Variants in NAV2 observed in about 807,000 individuals in gnomAD.
NAV2 encodes neuron navigator 2.
A neutral mutation model predicts 223.2 loss-of-function variants in NAV2; 54 were observed. That is an observed-to-expected ratio of 0.24 (90% CI 0.19 to 0.30). The LOEUF (loss-of-function observed/expected upper bound fraction) is 0.30. Among genes scored for constraint, NAV2 ranks in the 10% least tolerant of loss-of-function variants. The probability of loss-of-function intolerance (pLI) is 1.00; values close to 1 mark genes in which losing one functional copy is unlikely to be tolerated. For missense variants in NAV2, 2,806 were observed against 3,147.5 expected (o/e 0.89, Z 2.60); for synonymous variants, 1,279 against 1,239.3 (o/e 1.03, Z -0.67).
chr11:19,907,653 C>T (rs867758867), intron 6 of NAV2, among the ~76,000 whole-genome samples: 5 of 152,078 alleles, frequency 3.3e-5, no homozygotes, highest in South Asian at 4.2e-4. Context: ...CATCTTTTGG[C>T]GGAGTTTTAA....
intron 1 of NAV2, among the ~76,000 whole-genome samples, chr11:19,461,192 A>ACCCGGATT (rs1852144592): frequency 6.6e-6 from 1 of 152,168 alleles, no homozygotes. Context: ...AAATTTACTC[A>ACCCGGATT]CCAGAGCTCA....
intron 1 of NAV2, among the ~76,000 whole-genome samples, chr11:19,685,866 A>G (rs2049008410): frequency 6.6e-6 from 1 of 152,160 alleles, no homozygotes; most frequent in Non-Finnish European, 1.5e-5. Context: ...CTCTGCACCA[A>G]GAGGTGCTTT....
At chr11:19,804,018 A>G (rs2058413985) in intron 1 of NAV2, among the ~76,000 whole-genome samples, 1 of 152,160 alleles carries the variant, frequency 6.6e-6, no homozygotes, top group African/African-American at 2.4e-5. Context: ...TCTGTGGCCA[A>G]TTTGCTTAAT....
chr11:20,022,975 T>A, intron 11 of NAV2: 1 of 1,406,740 alleles, frequency 7.1e-7, no homozygotes, highest in Admixed American at 2.1e-5. Context: ...AGTCCTTTAG[T>A]TACAGAGTTG....
chr11:19,616,965 G>A (rs367876732), intron 1 of NAV2, among the ~76,000 whole-genome samples: 7 of 151,976 alleles, frequency 4.6e-5, no homozygotes, highest in African/African-American at 1.5e-4. Context: ...CCTCTGAGCC[G>A]CAGTCTCCTC....
intron 1 of NAV2, among the ~76,000 whole-genome samples, chr11:19,475,960 G>T (rs1273734677): frequency 6.6e-6 from 1 of 152,168 alleles, no homozygotes; most frequent in Non-Finnish European, 1.5e-5. Context: ...TCGAGTGTCA[G>T]TTGCCCTTAA....
chr11:19,707,688 CAT>C (rs2049709698), intron 1 of NAV2, among the ~76,000 whole-genome samples: 1 of 152,208 alleles, frequency 6.6e-6, no homozygotes, highest in Non-Finnish European at 1.5e-5. Flanking sequence ...GAACCCATAA[CAT>C]AGTAATTTGT....
Position 20,077,756 on chromosome 11 carries a change from T to C in NAV2, c.5067+121T>C, listed in dbSNP as rs2059852917. 6 of 836,694 alleles carry C rather than the reference T, an allele frequency of 7.2e-6. No homozygotes were observed. In the South Asian group the frequency reaches 9.7e-5, roughly 14 times the overall value. 51.8% of individuals were successfully genotyped at this position (836,694 alleles called of 1,614,324 possible). ...ATGTATTTCTTGAACTGTTAAAGTT[T>C]AATTGTAAGGAGTCCAATCTGTTGA... On this transcript the variant is annotated intron_variant, in intron 23 of 37. Coordinates refer to ENST00000349880, the MANE Select transcript of NAV2 (RefSeq NM_145117.5).
At chr11:20,028,158 T>TAC (rs2055295807) in intron 11 of NAV2, among the ~76,000 whole-genome samples, 2 of 152,256 alleles carry the variant, frequency 1.3e-5, no homozygotes. Context: ...GCAAAATAGA[T>TAC]GTGTGAAGCT....
At chr11:19,944,716 C>A (rs1341797179) in intron 8 of NAV2, among the ~76,000 whole-genome samples, 4 of 142,664 alleles carry the variant, frequency 2.8e-5, no homozygotes, top group Non-Finnish European at 6.0e-5. Flanking sequence ...TTCCTTCCTT[C>A]CTTCCTTCCT....
intron 4 of NAV2, among the ~76,000 whole-genome samples, chr11:19,876,424 G>A (rs1233046151): frequency 6.6e-6 from 1 of 152,190 alleles, no homozygotes. Context: ...CTGAGGCTCA[G>A]AGAGATTGAA....
rs770228752 is a variant in NAV2 at position 20,049,161 on chromosome 11, A to G, written c.4336A>G (p.Arg1446Gly). Residue 1446 changes from arginine (R) to glycine (G), a missense_variant, in exon 15 of 38, where the codon AGA (arginine) becomes GGA (glycine). Physicochemically the swap from Arg to Gly is moderately radical, Grantham distance 125. This residue lies in a region of NAV2 where 742 missense variants were observed against 777.9 expected (regional missense o/e 0.95). Transcript: ENST00000349880. ...SKDDSLTPFV[R>G]TNSVKTTLSE... ...GGACGACTCCTTGACTCCCTTTGTCAGAACTAACAGTGTGAAGACCACACT... is the reference window on the plus strand; with the variant it reads ...GGACGACTCCTTGACTCCCTTTGTCGGAACTAACAGTGTGAAGACCACACT... 1.6e-5 allele frequency: 25 copies of G among 1,609,844 alleles called. No individual in the cohort carries two copies. In the South Asian group the frequency reaches 2.7e-4, roughly 17 times the overall value.
intron 1 of NAV2, among the ~76,000 whole-genome samples, chr11:19,574,790 G>T (rs1364032515): frequency 1.3e-5 from 2 of 152,172 alleles, no homozygotes; most frequent in East Asian, 3.8e-4. Flanking sequence ...AAAATAGAAT[G>T]GTGGAACAGA....
At chr11:19,399,394 G>C (rs1028720934) in intron 1 of NAV2, among the ~76,000 whole-genome samples, 10 of 152,168 alleles carry the variant, frequency 6.6e-5, no homozygotes, top group African/African-American at 2.4e-4. Flanking sequence ...TCTCCCACAA[G>C]TCAGAGATTG....
intron 1 of NAV2, among the ~76,000 whole-genome samples, chr11:19,629,819 C>G (rs2047294095): frequency 6.6e-6 from 1 of 152,222 alleles, no homozygotes; most frequent in South Asian, 2.1e-4. Context: ...CTCTCAACCT[C>G]TGCTCTCACA....
At chr11:20,077,951 A>AACT (rs778648925) in intron 23 of NAV2, 42 bp from the exon 24 acceptor site, 1 of 1,503,750 alleles carries the variant, frequency 6.7e-7, no homozygotes, top group Non-Finnish European at 9.2e-7. Context: ...AACTCTGTAC[A>AACT]GAATGATTTT....
At chr11:20,043,752 A>G (rs370716016) in intron 12 of NAV2, 13 of 489,136 alleles carry the variant, frequency 2.7e-5, no homozygotes, top group African/African-American at 1.5e-4. Context: ...ATCTCGTTCC[A>G]TTCCATTCCA....
At chr11:19,451,269 C>T (rs978359183) in intron 1 of NAV2, among the ~76,000 whole-genome samples, 6 of 152,100 alleles carry the variant, frequency 3.9e-5, no homozygotes, top group Non-Finnish European at 7.3e-5. Flanking sequence ...TTTCTCTGCC[C>T]CTCCCTCATT....
intron 1 of NAV2, among the ~76,000 whole-genome samples, chr11:19,604,117 T>C (rs952381855): frequency 1.3e-5 from 2 of 152,168 alleles, no homozygotes; most frequent in African/African-American, 4.8e-5. Context: ...AGTAGAACTT[T>C]GGCTTTTACT....
Sources: allele counts gnomAD v4.1 joint callset (sites outside exome capture counted in the v4.1 genomes callset), GRCh38; gene constraint gnomAD v4.1.1; regional missense constraint gnomAD v4.1.1; transcripts MANE v1.5; gene names NCBI Gene and HGNC (gene_info 2026-07-23, HGNC 2026-07-21).